Variants in NGEF observed in about 807,000 individuals in gnomAD.
NGEF encodes ephexin-1.
In NGEF, 31 loss-of-function variants were observed where a neutral mutation model predicts 80.9. The observed-to-expected ratio is 0.38, with a 90% CI of 0.29 to 0.52. NGEF has a LOEUF of 0.52. Among genes scored for constraint, NGEF ranks in the 20% least tolerant of loss-of-function variants. The pLI is 0.84. For missense variants in NGEF, 709 were observed against 926.2 expected (o/e 0.77, Z 3.04); for synonymous variants, 371 against 370.2 (o/e 1.00, Z -0.03).
intron 5 of NGEF, among the ~76,000 whole-genome samples, chr2:232,900,019 C>T (rs1484459216): frequency 2.1e-5 from 3 of 141,988 alleles, no homozygotes; most frequent in African/African-American, 5.4e-5. Context: ...CACTCATATA[C>T]ACGTTCACTC....
chr2:232,914,198 A>C (rs959996821), intron 5 of NGEF, among the ~76,000 whole-genome samples: 4 of 152,246 alleles, frequency 2.6e-5, no homozygotes, highest in Non-Finnish European at 5.9e-5. Context: ...AGTATGGTCT[A>C]CAAAGCCTAA....
At chr2:233,008,921 C>T (rs954476607) in intron 1 of NGEF, among the ~76,000 whole-genome samples, 8 of 152,020 alleles carry the variant, frequency 5.3e-5, no homozygotes, top group African/African-American at 1.9e-4. Context: ...CTGCCTCAGC[C>T]TCCCGAGTAG....
intron 1 of NGEF, among the ~76,000 whole-genome samples, chr2:232,994,369 C>CAA (rs10591943): frequency 1.6e-5 from 2 of 128,988 alleles, no homozygotes; most frequent in Non-Finnish European, 3.3e-5. Flanking sequence ...GACTTTGTCT[C>CAA]AAAAAAAAAA....
At chr2:232,894,447 G>A (rs142816446) in intron 6 of NGEF, among the ~76,000 whole-genome samples, 3 of 152,290 alleles carry the variant, frequency 2.0e-5, no homozygotes, top group East Asian at 1.9e-4. Context: ...TCCAACCACC[G>A]GTTTGATGCA....
At chr2:232,887,202 T>C (rs1041160517) in intron 9 of NGEF, among the ~76,000 whole-genome samples, 1 of 152,192 alleles carries the variant, frequency 6.6e-6, no homozygotes, top group Non-Finnish European at 1.5e-5. Context: ...ACTGGCTCAA[T>C]GGAGGTGCCC....
intron 1 of NGEF, among the ~76,000 whole-genome samples, chr2:232,992,192 CA>C (rs1694664154): frequency 6.6e-6 from 1 of 152,156 alleles, no homozygotes; most frequent in African/African-American, 2.4e-5. Flanking sequence ...ACCAGCTGCA[CA>C]AGCAACAAAA....
intron 5 of NGEF, among the ~76,000 whole-genome samples, chr2:232,911,568 G>A (rs541531204): frequency 7.9e-5 from 12 of 152,204 alleles, no homozygotes; most frequent in Non-Finnish European, 1.2e-4. Context: ...GACTGGAGTC[G>A]CATGGAATGT....
chr2:232,982,426 A>C (rs987747925), intron 1 of NGEF, among the ~76,000 whole-genome samples: 2 of 152,178 alleles, frequency 1.3e-5, no homozygotes, highest in African/African-American at 4.8e-5. Flanking sequence ...GGACTGGCTG[A>C]TCCCAGATCA....
At position 232,879,360 on chromosome 2, in the gene NGEF, G is replaced by A; in HGVS notation, c.*129C>T. ...CACTCACTGCGTGGGCAGGGATGAG[G>A]GCCGGGCACCCCAAGCCAGATCCTG... On this transcript the variant is annotated 3_prime_UTR_variant, in exon 15 of 15. Transcript: ENST00000264051. 1 of 911,560 alleles carries A rather than the reference G, an allele frequency of 1.1e-6. No homozygotes were observed. The highest frequency in any genetic ancestry group is 1.7e-6 in the Non-Finnish European group (1 of 601,824). The allele number at this position is 911,560 out of a possible 1,614,324, so 56.5% of individuals were successfully genotyped here.
At chr2:233,008,655 C>G (rs1346723316) in intron 1 of NGEF, among the ~76,000 whole-genome samples, 1 of 152,174 alleles carries the variant, frequency 6.6e-6, no homozygotes, top group African/African-American at 2.4e-5. Flanking sequence ...GTTGCTTGCC[C>G]TTCTGCAGAG....
At chr2:232,947,922 C>T (rs12694918) in intron 3 of NGEF, among the ~76,000 whole-genome samples, 126,769 of 152,162 alleles carry the variant, frequency 0.83, 52,926 homozygotes, top group African/African-American at 0.85. Flanking sequence ...GATTGAAACT[C>T]GACTAGATCT....
rs761455816 is a variant in NGEF at position 232,894,757 on chromosome 2, G to A, written c.988C>T (p.Arg330Trp). The A allele has an allele frequency of 1.0e-5, 16 of 1,577,044 alleles. No individual in the cohort carries two copies. The highest frequency in any genetic ancestry group is 1.4e-5 in the Non-Finnish European group (16 of 1,151,616). The change falls in exon 6 of 15, where the codon CGG becomes TGG. Residue 330 changes from arginine (R) to tryptophan (W), a missense_variant and splice_region_variant. Physicochemically the swap from Arg to Trp is moderately radical, Grantham distance 101. Around this residue, in one of 2 missense-constraint regions of NGEF, gnomAD observed 426 missense variants for 622.9 expected, o/e 0.68. Coordinates refer to ENST00000264051, the MANE Select transcript of NGEF (RefSeq NM_019850.3). Reference protein sequence around the residue: ...NVLDVLAVSERFLLELEHRME... With the variant: ...NVLDVLAVSEWFLLELEHRME... ...GGTGGCTGTCCCCCCCGTCCTCACC[G>A]CTCACTGACAGCCAGCACGTCCAGG...
intron 3 of NGEF, among the ~76,000 whole-genome samples, chr2:232,959,825 C>T (rs370667084): frequency 5.9e-5 from 9 of 152,272 alleles, no homozygotes; most frequent in South Asian, 2.1e-4. Flanking sequence ...GTAATCTGCC[C>T]GCCTCGGCCT....
chr2:232,883,085 A>G (rs1020097767), intron 12 of NGEF, among the ~76,000 whole-genome samples: 24 of 151,552 alleles, frequency 1.6e-4, no homozygotes, highest in African/African-American at 5.1e-4. Context: ...ACACACACGC[A>G]CACACGCACA....
chr2:233,012,612 G>A (rs773488686), intron 1 of NGEF: 21 of 333,816 alleles, frequency 6.3e-5, no homozygotes, highest in South Asian at 3.0e-4. Context: ...CTCATTATCA[G>A]GACTGGCGTC....
intron 3 of NGEF, among the ~76,000 whole-genome samples, chr2:232,936,404 C>G (rs1013465168): frequency 8.5e-5 from 13 of 152,208 alleles, no homozygotes; most frequent in African/African-American, 3.1e-4. Context: ...TTAGGAGGTG[C>G]TCTCTAAGCT....
chr2:232,943,440 C>T (rs1414031318), intron 3 of NGEF, among the ~76,000 whole-genome samples: 3 of 151,906 alleles, frequency 2.0e-5, no homozygotes, highest in East Asian at 1.9e-4. Context: ...CCTCAGTTTC[C>T]GTACTGCCTG....
At chr2:232,950,669 A>G (rs766271792) in intron 3 of NGEF, among the ~76,000 whole-genome samples, 4 of 152,196 alleles carry the variant, frequency 2.6e-5, no homozygotes, top group Non-Finnish European at 4.4e-5. Flanking sequence ...GGCATACCCC[A>G]TTCCAGGTGC....
intron 3 of NGEF, among the ~76,000 whole-genome samples, chr2:232,968,284 C>T (rs1694107557): frequency 6.6e-6 from 1 of 151,826 alleles, no homozygotes; most frequent in African/African-American, 2.4e-5. Flanking sequence ...GATGGGGTTT[C>T]TCTATGTTGG....
Sources: gnomAD v4.1 joint callset for allele counts (sites outside exome capture counted in the v4.1 genomes callset) on GRCh38, gnomAD v4.1.1 for gene constraint, gnomAD v4.1.1 regional missense constraint, MANE v1.5 for transcripts, NCBI Gene and HGNC (gene_info 2026-07-23, HGNC 2026-07-21) for gene names.